Variants in LPP observed in about 807,000 individuals in gnomAD.
LPP encodes the protein lipoma-preferred partner.
LPP carries 38 observed loss-of-function variants against 60.4 expected under a neutral mutation model. The ratio of observed to expected loss-of-function variants is 0.63; its 90% CI spans 0.49 to 0.83. The LOEUF is 0.83. LPP is among the 40% of genes least tolerant of loss of function. LPP has a pLI of 0.00. For missense variants in LPP, 902 were observed against 783.6 expected (o/e 1.15, Z -1.80); for synonymous variants, 328 against 290.8 (o/e 1.13, Z -1.30).
chr3:188,571,796 C>G (rs1327082060), intron 6 of LPP, among the ~76,000 whole-genome samples: 1 of 152,100 alleles, frequency 6.6e-6, no homozygotes, highest in Non-Finnish European at 1.5e-5. Flanking sequence ...CAATTCCTGA[C>G]TTCAAAATTA....
chr3:188,675,548 G>A (rs1051182817), intron 7 of LPP, among the ~76,000 whole-genome samples: 1 of 152,216 alleles, frequency 6.6e-6, no homozygotes, highest in African/African-American at 2.4e-5. Flanking sequence ...GGTGTTGGTA[G>A]TAATCTGTGC....
At chr3:188,445,813 C>T (rs140137901) in intron 4 of LPP, among the ~76,000 whole-genome samples, 2 of 152,174 alleles carry the variant, frequency 1.3e-5, no homozygotes, top group South Asian at 2.1e-4. Flanking sequence ...CTGTGAAAGT[C>T]ACAGGCACAC....
intron 1 of LPP, among the ~76,000 whole-genome samples, chr3:188,174,260 T>C (rs1268886456): frequency 1.3e-5 from 2 of 152,240 alleles, no homozygotes; most frequent in Non-Finnish European, 2.9e-5. Context: ...TCTGTTTTTA[T>C]TCTTGGAGGC....
At chr3:188,593,863 G>A (rs1839456499) in intron 6 of LPP, among the ~76,000 whole-genome samples, 1 of 152,160 alleles carries the variant, frequency 6.6e-6, no homozygotes, top group Non-Finnish European at 1.5e-5. Context: ...CATTTGGGTT[G>A]GTTCCACGAT....
At chr3:188,863,770 T>C (rs1765857397) in intron 9 of LPP, among the ~76,000 whole-genome samples, 1 of 151,940 alleles carries the variant, frequency 6.6e-6, no homozygotes, top group Admixed American at 6.6e-5. Flanking sequence ...TGCAGAAATG[T>C]TTGTATTACC....
At chr3:188,430,107 T>G (rs2149137394) in intron 4 of LPP, among the ~76,000 whole-genome samples, 1 of 152,220 alleles carries the variant, frequency 6.6e-6, no homozygotes, top group Admixed American at 6.5e-5. Flanking sequence ...ACAAATAGGG[T>G]TTATCTATAG....
intron 9 of LPP, among the ~76,000 whole-genome samples, chr3:188,836,845 T>A (rs1254799436): frequency 6.6e-6 from 1 of 152,202 alleles, no homozygotes; most frequent in African/African-American, 2.4e-5. Flanking sequence ...TCATGCTTGG[T>A]TGACTAACTT....
In LPP at chr3:188,609,092, C is replaced by T. The variant is rs1843088471; in HGVS notation, c.430-69C>T. The T allele has an allele frequency of 2.7e-6, 3 of 1,125,742 alleles. No individual in the cohort carries two copies. The highest frequency in any genetic ancestry group is 1.6e-5 in the African/African-American group (1 of 63,042). The allele number at this position is 1,125,742 out of a possible 1,614,324, so 69.7% of individuals were successfully genotyped here. A position where few individuals can be genotyped will look rare whatever the true frequency, so the allele number is the denominator to read the frequency against. On this transcript the variant is annotated intron_variant, in intron 6 of 11. Coordinates refer to ENST00000617246, the MANE Select transcript of LPP (RefSeq NM_001375462.1). The surrounding 1 kb of genome is among the most constrained non-coding windows in gnomAD (Gnocchi z 6.9). Reference sequence around the variant, plus strand: ...CAGTTATTAATATTTTTCATTTATTCATTTTTATTGAGTTTCGTTGGCAGT... The same window carrying T: ...CAGTTATTAATATTTTTCATTTATTTATTTTTATTGAGTTTCGTTGGCAGT...
At chr3:188,772,349 A>G (rs964905514) in intron 9 of LPP, among the ~76,000 whole-genome samples, 4 of 152,114 alleles carry the variant, frequency 2.6e-5, no homozygotes, top group African/African-American at 9.7e-5. Context: ...TGAACATGCA[A>G]GGTTTTCATT....
At chr3:188,205,854 G>A (rs1733057409) in intron 1 of LPP, among the ~76,000 whole-genome samples, 2 of 152,186 alleles carry the variant, frequency 1.3e-5, no homozygotes, top group Non-Finnish European at 2.9e-5. Flanking sequence ...GAAAAGTGGT[G>A]GGAAGTGGAG....
chr3:188,269,615 G>C (rs1037766730), intron 2 of LPP, among the ~76,000 whole-genome samples: 1 of 146,108 alleles, frequency 6.8e-6, no homozygotes, highest in African/African-American at 2.5e-5. Flanking sequence ...CACATGTTCT[G>C]ATTGGCTAGC....
At chr3:188,297,063 G>A (rs1315790744) in intron 2 of LPP, among the ~76,000 whole-genome samples, 2 of 152,212 alleles carry the variant, frequency 1.3e-5, no homozygotes, top group Non-Finnish European at 2.9e-5. Flanking sequence ...TGGGAGGCTA[G>A]AATGGTAGGA....
chr3:188,177,891 A>G (rs1010003780), intron 1 of LPP, among the ~76,000 whole-genome samples: 5 of 152,198 alleles, frequency 3.3e-5, no homozygotes, highest in Non-Finnish European at 7.3e-5. Context: ...GAGGTGGGAC[A>G]GGGATGCTGG....
At chr3:188,400,946 G>A (rs1387453160) in intron 3 of LPP, among the ~76,000 whole-genome samples, 7 of 152,114 alleles carry the variant, frequency 4.6e-5, no homozygotes, top group Non-Finnish European at 8.8e-5. Context: ...AACTTGTGAA[G>A]TTTCATCAAA....
intron 5 of LPP, among the ~76,000 whole-genome samples, chr3:188,510,707 A>G (rs534538838): frequency 1.8e-4 from 27 of 152,254 alleles, no homozygotes; most frequent in Non-Finnish European, 3.2e-4. Context: ...CTCTTACTCT[A>G]TTTTTACCTT....
chr3:188,254,680 T>C (rs1023801542), intron 2 of LPP, among the ~76,000 whole-genome samples: 1 of 152,136 alleles, frequency 6.6e-6, no homozygotes, highest in African/African-American at 2.4e-5. Context: ...TCTTCCTCCT[T>C]GGGACACAAA....
At position 188,889,596 on chromosome 3, in the gene LPP, C is replaced by A. The variant is rs906862768; in HGVS notation, c.*15117C>A. The A allele has an allele frequency of 1.3e-5, 3 of 227,462 alleles. No individual in the cohort carries two copies. Among genetic ancestry groups the A allele is most frequent in the East Asian group, 6.3e-5 (1 of 15,940 alleles). 14.1% of individuals were successfully genotyped at this position (227,462 alleles called of 1,614,324 possible). ...GGTCATAAAGTTGTCTCCTACCTAA[C>A]CCAGTTTTACCAAATGGAAGTAAAA... On this transcript the variant is annotated 3_prime_UTR_variant, in exon 12 of 12. Coordinates refer to ENST00000617246, the MANE Select transcript of LPP (RefSeq NM_001375462.1).
intron 5 of LPP, among the ~76,000 whole-genome samples, chr3:188,497,785 T>C (rs1037178088): frequency 1.3e-5 from 2 of 152,196 alleles, no homozygotes; most frequent in Non-Finnish European, 2.9e-5. Context: ...AGTAGAGATG[T>C]GTCTAGAGGA....
At chr3:188,851,134 G>T (rs532413323) in intron 9 of LPP, among the ~76,000 whole-genome samples, 10 of 152,318 alleles carry the variant, frequency 6.6e-5, no homozygotes, top group South Asian at 2.1e-4. Context: ...AGCCTCAGGG[G>T]CTGGAAAAAC....
Sources: allele counts gnomAD v4.1 joint callset (sites outside exome capture counted in the v4.1 genomes callset), GRCh38; gene constraint gnomAD v4.1.1; non-coding constraint Gnocchi (gnomAD v3.1); transcripts MANE v1.5; gene names NCBI Gene and HGNC (gene_info 2026-07-23, HGNC 2026-07-21).